Variants in PPP3R1 observed in about 807,000 individuals in gnomAD.
PPP3R1 encodes the protein protein phosphatase 3 regulatory subunit B, alpha, also known as calcineurin subunit B type 1.
PPP3R1 carries 5 observed loss-of-function variants against 22.6 expected under a neutral mutation model. The observed-to-expected ratio is 0.22, with a 90% CI of 0.12 to 0.46. The LOEUF is 0.46. PPP3R1 is among the 20% of genes least tolerant of loss of function. The pLI is 0.99. For synonymous variants in PPP3R1, 56 were observed against 65.2 expected (o/e 0.86, Z 0.68); for missense variants, 61 against 203.2 (o/e 0.30, Z 4.25).
intron 5 of PPP3R1, among the ~76,000 whole-genome samples, chr2:68,183,292 C>G (rs904562097): frequency 3.3e-5 from 5 of 152,240 alleles, no homozygotes; most frequent in South Asian, 2.1e-4. Context: ...ACTAAGAAAT[C>G]TGGTGCCATT....
intron 2 of PPP3R1, among the ~76,000 whole-genome samples, chr2:68,198,966 GTAT>G (rs1674898536): frequency 2.0e-5 from 3 of 151,634 alleles, no homozygotes; most frequent in South Asian, 2.1e-4. Flanking sequence ...ATCTTTATTT[GTAT>G]TATTATTTTT....
intron 2 of PPP3R1, among the ~76,000 whole-genome samples, chr2:68,210,282 G>T (rs959759728): frequency 1.3e-5 from 2 of 152,048 alleles, no homozygotes; most frequent in Non-Finnish European, 2.9e-5. Flanking sequence ...AAGCTCCCTG[G>T]GTCATCTTAA....
intron 2 of PPP3R1, among the ~76,000 whole-genome samples, chr2:68,214,769 A>G (rs1005772166): frequency 6.6e-6 from 1 of 152,234 alleles, no homozygotes; most frequent in Non-Finnish European, 1.5e-5. Context: ...CCAGCAATCC[A>G]TTACTGGGTA....
intron 2 of PPP3R1, among the ~76,000 whole-genome samples, chr2:68,195,159 C>G (rs1674741256): frequency 6.6e-6 from 1 of 152,032 alleles, no homozygotes; most frequent in South Asian, 2.1e-4. Flanking sequence ...TATTCAAGAA[C>G]TCTATTATCT....
chr2:68,187,646 C>T (rs1281269693), intron 3 of PPP3R1, among the ~76,000 whole-genome samples: 1 of 152,032 alleles, frequency 6.6e-6, no homozygotes, highest in Non-Finnish European at 1.5e-5. Context: ...AAAAAAAAAC[C>T]CACTATAAAT....
At chr2:68,232,259 GTGTGTGTATA>G (rs572397605) in intron 1 of PPP3R1, among the ~76,000 whole-genome samples, 33,409 of 97,260 alleles carry the variant, frequency 0.34, 5,385 homozygotes, top group Middle Eastern at 0.48. Flanking sequence ...GTGTGTGTGT[GTGTGTGTATA>G]TATATATACA....
chr2:68,212,998 C>T (rs1669514808), intron 2 of PPP3R1, among the ~76,000 whole-genome samples: 1 of 152,254 alleles, frequency 6.6e-6, no homozygotes, highest in Admixed American at 6.5e-5. Context: ...GCTTCCCCAT[C>T]TCTCTCAGCC....
At chr2:68,204,621 C>T (rs1487847078) in intron 2 of PPP3R1, among the ~76,000 whole-genome samples, 4 of 152,120 alleles carry the variant, frequency 2.6e-5, no homozygotes, top group Non-Finnish European at 4.4e-5. Flanking sequence ...TTGTGCCCCT[C>T]TCCTGAGGCT....
chr2:68,219,246 A>T (rs1291137696), intron 1 of PPP3R1, among the ~76,000 whole-genome samples: 1 of 152,216 alleles, frequency 6.6e-6, no homozygotes, highest in African/African-American at 2.4e-5. Flanking sequence ...GTATTGTTTG[A>T]ACTTTCACAG....
intron 2 of PPP3R1, among the ~76,000 whole-genome samples, chr2:68,201,845 A>G (rs1189425289): frequency 6.6e-6 from 1 of 152,212 alleles, no homozygotes; most frequent in Non-Finnish European, 1.5e-5. Flanking sequence ...AAGAAGTCCA[A>G]TGCCAGCGGA....
At chr2:68,183,749 T>G (rs1194151248) in intron 5 of PPP3R1, among the ~76,000 whole-genome samples, 1 of 152,204 alleles carries the variant, frequency 6.6e-6, no homozygotes, top group Non-Finnish European at 1.5e-5. Context: ...AACTTATTTT[T>G]TTGGACCTGG....
intron 1 of PPP3R1, among the ~76,000 whole-genome samples, chr2:68,248,661 A>C (rs970001737): frequency 3.3e-5 from 5 of 152,100 alleles, no homozygotes; most frequent in Admixed American, 3.3e-4. Context: ...AGTGCTCCAA[A>C]TGTACATTGT....
chr2:68,207,104 A>G (rs900237328), intron 2 of PPP3R1, among the ~76,000 whole-genome samples: 15 of 117,670 alleles, frequency 1.3e-4, no homozygotes, highest in African/African-American at 4.1e-4. Context: ...GGTTTTGGGA[A>G]AAAAAAAAGC....
At chr2:68,246,267 G>C (rs1197682653) in intron 1 of PPP3R1, among the ~76,000 whole-genome samples, 1 of 151,426 alleles carries the variant, frequency 6.6e-6, no homozygotes, top group South Asian at 2.1e-4. Context: ...TAGAGACAGG[G>C]TTTCACCATA....
At chr2:68,206,905 G>A (rs1162809919) in intron 2 of PPP3R1, among the ~76,000 whole-genome samples, 1 of 152,116 alleles carries the variant, frequency 6.6e-6, no homozygotes, top group African/African-American at 2.4e-5. Flanking sequence ...CACTGTGGCT[G>A]GGGCAATTAA....
At chr2:68,216,314 TTAAAAA>T (rs1257954744) in intron 2 of PPP3R1, among the ~76,000 whole-genome samples, 1 of 152,052 alleles carries the variant, frequency 6.6e-6, no homozygotes, top group Non-Finnish European at 1.5e-5. Context: ...TTTTTCAAAC[TTAAAAA>T]TAAGACATTT....
chr2:68,225,488 GA>G (rs1201043350), intron 1 of PPP3R1, among the ~76,000 whole-genome samples: 1 of 152,174 alleles, frequency 6.6e-6, no homozygotes, highest in Non-Finnish European at 1.5e-5. Context: ...GAACAGCTTG[GA>G]AAGCAGACTT....
intron 2 of PPP3R1, among the ~76,000 whole-genome samples, chr2:68,192,465 CTATT>C (rs1558628714): frequency 6.6e-6 from 1 of 152,002 alleles, no homozygotes; most frequent in Non-Finnish European, 1.5e-5. Flanking sequence ...TTTATGCAAA[CTATT>C]TATTAGTCAA....
chr2:68,201,815 T>G (rs1386804441), intron 2 of PPP3R1, among the ~76,000 whole-genome samples: 2 of 152,252 alleles, frequency 1.3e-5, no homozygotes, highest in Non-Finnish European at 2.9e-5. Flanking sequence ...CACTGCCTTC[T>G]ACCAACTACT....
Sources: gnomAD v4.1 joint callset for allele counts (sites outside exome capture counted in the v4.1 genomes callset) on GRCh38, gnomAD v4.1.1 for gene constraint, MANE v1.5 for transcripts, NCBI Gene and HGNC (gene_info 2026-07-23, HGNC 2026-07-21) for gene names.